Variants in SP6 observed in about 807,000 individuals in gnomAD.
SP6 encodes the protein transcription factor Sp6.
A neutral mutation model predicts 23.4 loss-of-function variants in SP6; 10 were observed. The observed-to-expected ratio is 0.43, with a 90% CI of 0.26 to 0.72. The LOEUF (loss-of-function observed/expected upper bound fraction) is 0.72. SP6 is among the 30% of genes least tolerant of loss of function. SP6 has a pLI of 0.23. For synonymous variants in SP6, 238 were observed against 238.7 expected (o/e 1.00, Z 0.03); for missense variants, 482 against 523.8 (o/e 0.92, Z 0.78).
chr17:47,875,814 CT>C, the SP6 span, among the ~76,000 whole-genome samples: 1 of 152,206 alleles, frequency 6.6e-6, no homozygotes, highest in Admixed American at 6.5e-5. Context: ...CTTAGACCTC[CT>C]TTAACTGTGG....
the SP6 span, among the ~76,000 whole-genome samples, chr17:47,871,529 C>T: frequency 2.0e-5 from 3 of 152,146 alleles, no homozygotes; most frequent in Admixed American, 6.5e-5. Flanking sequence ...GAAAACCTCT[C>T]CATTTCTCTT....
upstream of SP6, among the ~76,000 whole-genome samples, chr17:47,852,995 TG>T (rs529205142): frequency 3.8e-4 from 58 of 152,352 alleles, no homozygotes; most frequent in African/African-American, 1.3e-3. Context: ...CACAAAGACC[TG>T]TGGACTAGAA....
intron 1 of SP6, among the ~76,000 whole-genome samples, chr17:47,849,874 G>C (rs2033936641): frequency 6.6e-6 from 1 of 152,264 alleles, no homozygotes; most frequent in African/African-American, 2.4e-5. Flanking sequence ...CTCTACTGGT[G>C]GGGGAGGAGA....
the SP6 span, among the ~76,000 whole-genome samples, chr17:47,875,047 A>C: frequency 6.6e-6 from 1 of 151,832 alleles, no homozygotes; most frequent in South Asian, 2.1e-4. Context: ...TGCCACCACC[A>C]GGGGGGCAGC....
the SP6 span, chr17:47,864,391 A>G: frequency 6.6e-6 from 1 of 151,850 alleles, no homozygotes; most frequent in Non-Finnish European, 1.5e-5. Context: ...CAGCCTTCCA[A>G]GTAGCTGGGA....
At chr17:47,863,564 C>CTTTTTTTTTTTTTTT in the SP6 span, 31 of 80,092 alleles carry the variant, frequency 3.9e-4, no homozygotes, top group Non-Finnish European at 5.9e-4. Flanking sequence ...TGGACTTCTT[C>CTTTTTTTTTTTTTTT]TTCTTTTTTT....
At chr17:47,873,285 A>G in the SP6 span, among the ~76,000 whole-genome samples, 1 of 152,252 alleles carries the variant, frequency 6.6e-6, no homozygotes, top group African/African-American at 2.4e-5. Flanking sequence ...AAGTCCTACA[A>G]TACCTTAGAT....
chr17:47,847,634 C>A lies in SP6; in HGVS notation c.796G>T (p.Ala266Ser). ...CHIPGCGKAY[A>S]KTSHLKAHLR... ...TGCGCCTTCAGGTGCGACGTCTTGGCGTAGGCTTTCCCGCAGCCCGGGATG... is the reference window on the plus strand; with the variant it reads ...TGCGCCTTCAGGTGCGACGTCTTGGAGTAGGCTTTCCCGCAGCCCGGGATG... Residue 266 changes from alanine to serine, a missense_variant, in exon 2 of 2, where the codon GCC becomes TCC. Around this residue, in one of 3 missense-constraint regions of SP6, gnomAD observed 51 missense variants for 92.1 expected, o/e 0.55. Coordinates refer to ENST00000536300, the MANE Select transcript of SP6 (RefSeq NM_001258248.2). 1.9e-6 allele frequency: 3 copies of A among 1,613,322 alleles called. No homozygotes were observed. Among genetic ancestry groups the A allele is most frequent in the Non-Finnish European group, 2.5e-6 (3 of 1,179,852 alleles).
At chr17:47,872,989 C>T in the SP6 span, among the ~76,000 whole-genome samples, 5 of 152,188 alleles carry the variant, frequency 3.3e-5, no homozygotes, top group Non-Finnish European at 5.9e-5. Context: ...CTGAACCCCC[C>T]TTCTCCAGCT....
At chr17:47,865,853 G>C in the SP6 span, among the ~76,000 whole-genome samples, 1 of 152,036 alleles carries the variant, frequency 6.6e-6, no homozygotes, top group Non-Finnish European at 1.5e-5. Flanking sequence ...ACCTCTCCTG[G>C]TCTTCGCTTT....
At chr17:47,861,206 G>GAGCC in the SP6 span, among the ~76,000 whole-genome samples, 16 of 152,212 alleles carry the variant, frequency 1.1e-4, no homozygotes, top group South Asian at 6.2e-4. Flanking sequence ...AGGTGCTGGC[G>GAGCC]AGCCTGGTGT....
chr17:47,871,832 G>A, the SP6 span, among the ~76,000 whole-genome samples: 1 of 152,050 alleles, frequency 6.6e-6, no homozygotes, highest in African/African-American at 2.4e-5. Context: ...TGTTGCCCAG[G>A]CTGGTTTTGA....
At chr17:47,876,280 G>A in the SP6 span, among the ~76,000 whole-genome samples, 23 of 152,316 alleles carry the variant, frequency 1.5e-4, no homozygotes, top group South Asian at 1.9e-3. Context: ...CCTGGGCCCC[G>A]AGCTCAGCAG....
the SP6 span, chr17:47,864,421 T>A: frequency 6.9e-6 from 1 of 145,524 alleles, no homozygotes; most frequent in Non-Finnish European, 1.5e-5. Flanking sequence ...CGCCACCACA[T>A]CCAGCTAATT....
the SP6 span, among the ~76,000 whole-genome samples, chr17:47,876,166 T>A: frequency 1.3e-5 from 2 of 152,288 alleles, no homozygotes; most frequent in African/African-American, 4.8e-5. Flanking sequence ...CTCTGGTAGA[T>A]TCGAGGTGGT....
chr17:47,869,609 C>T, the SP6 span, among the ~76,000 whole-genome samples: 2 of 152,184 alleles, frequency 1.3e-5, no homozygotes, highest in African/African-American at 4.8e-5. Flanking sequence ...GAGGCTGGCT[C>T]TAAAGGCGTA....
chr17:47,857,627 G>A (rs535092849), upstream of SP6, among the ~76,000 whole-genome samples: 2 of 152,258 alleles, frequency 1.3e-5, no homozygotes, highest in South Asian at 4.1e-4. Context: ...AATGAACACA[G>A]CCAGCACCCT....
chr17:47,873,967 CCT>C, the SP6 span, among the ~76,000 whole-genome samples: 54 of 150,686 alleles, frequency 3.6e-4, no homozygotes, highest in East Asian at 7.4e-3. Context: ...CTCCTCCTTT[CCT>C]CTCTTTCTTC....
chr17:47,852,253 C>T (rs192224268), upstream of SP6, among the ~76,000 whole-genome samples: 52 of 152,250 alleles, frequency 3.4e-4, no homozygotes, highest in African/African-American at 1.2e-3. Flanking sequence ...AGCGCGCTCG[C>T]GGAGCTCACA....
Sources: gnomAD v4.1 joint callset for allele counts (sites outside exome capture counted in the v4.1 genomes callset) on GRCh38, gnomAD v4.1.1 for gene constraint, gnomAD v4.1.1 regional missense constraint, MANE v1.5 for transcripts, NCBI Gene and HGNC (gene_info 2026-07-23, HGNC 2026-07-21) for gene names.